Variants in MTRF1 observed in about 807,000 individuals in gnomAD.
The protein encoded by MTRF1 is mitochondrial translation release factor 1.
In MTRF1, 51 loss-of-function variants were observed where a neutral mutation model predicts 62.9. That is an observed-to-expected ratio of 0.81 (90% CI 0.65 to 1.02). MTRF1 has a LOEUF of 1.02. Ranked by LOEUF, MTRF1 falls within the 50% of genes least tolerant of loss-of-function variation. The pLI is 0.00. For synonymous variants in MTRF1, 158 were observed against 181.9 expected, an observed-to-expected ratio of 0.87 and a Z score of 1.06; for missense variants, 446 against 530.0, an observed-to-expected ratio of 0.84 and a Z score of 1.56.
chr13:41,268,834 G>C, the MTRF1 span, among the ~76,000 whole-genome samples: 1 of 152,060 alleles, frequency 6.6e-6, no homozygotes, highest in Non-Finnish European at 1.5e-5. Context: ...ATTATTTAGT[G>C]TATAAGTGTT....
At chr13:41,242,291 G>C (rs1453640977) in intron 5 of MTRF1, among the ~76,000 whole-genome samples, 1 of 152,092 alleles carries the variant, frequency 6.6e-6, no homozygotes, top group Non-Finnish European at 1.5e-5. Flanking sequence ...TTGGCCCATA[G>C]AGCCTCTTCA....
intron 5 of MTRF1, among the ~76,000 whole-genome samples, chr13:41,245,481 C>T (rs971908193): frequency 8.5e-5 from 13 of 152,090 alleles, no homozygotes; most frequent in Non-Finnish European, 8.8e-5. Context: ...TGGGCTCAAG[C>T]GATCCTCCCA....
the MTRF1 span, among the ~76,000 whole-genome samples, chr13:41,299,104 G>GGTGTGTGT: frequency 5.6e-3 from 842 of 149,688 alleles, 5 homozygotes; most frequent in African/African-American, 0.014. Context: ...CTTCAACCTG[G>GGTGTGTGT]GTGTGTGTGT....
the MTRF1 span, among the ~76,000 whole-genome samples, chr13:41,301,256 C>G: frequency 6.6e-6 from 1 of 152,026 alleles, no homozygotes; most frequent in East Asian, 1.9e-4. Flanking sequence ...TTCCCTTCAC[C>G]CTTTGAAGGT....
At chr13:41,288,920 CAAG>C in the MTRF1 span, among the ~76,000 whole-genome samples, 3 of 152,218 alleles carry the variant, frequency 2.0e-5, no homozygotes, top group East Asian at 5.8e-4. Flanking sequence ...GAAAAGGAGA[CAAG>C]AGCCTTGAAG....
At chr13:41,293,948 TA>T in the MTRF1 span, among the ~76,000 whole-genome samples, 2 of 151,944 alleles carry the variant, frequency 1.3e-5, no homozygotes, top group South Asian at 2.1e-4. Context: ...ACCAGGTAGG[TA>T]AAAAAAGAAA....
the MTRF1 span, among the ~76,000 whole-genome samples, chr13:41,305,613 AT>A: frequency 6.6e-6 from 1 of 152,112 alleles, no homozygotes; most frequent in Non-Finnish European, 1.5e-5. Flanking sequence ...TTTCCCTTCT[AT>A]TCCTTCGTCA....
chr13:41,268,555 T>A (rs2040866735), upstream of MTRF1, among the ~76,000 whole-genome samples: 1 of 151,474 alleles, frequency 6.6e-6, no homozygotes, highest in South Asian at 2.1e-4. Flanking sequence ...CAAAAAAAAA[T>A]GAAAGAAAAG....
chr13:41,235,092 A>AT (rs58626397), intron 6 of MTRF1: 3,566 of 142,792 alleles, frequency 0.025, 164 homozygotes, highest in African/African-American at 0.083. Context: ...AATTTAGCTA[A>AT]TTTTTTTTTT....
intron 5 of MTRF1, among the ~76,000 whole-genome samples, chr13:41,241,438 A>G (rs1471443213): frequency 1.3e-5 from 2 of 152,196 alleles, no homozygotes; most frequent in Non-Finnish European, 2.9e-5. Flanking sequence ...TGTGGTTTAG[A>G]GTCCACCACT....
chr13:41,248,953 T>C (rs576262743), intron 5 of MTRF1, among the ~76,000 whole-genome samples: 1 of 152,322 alleles, frequency 6.6e-6, no homozygotes, highest in Admixed American at 6.5e-5. Flanking sequence ...GTTTGAACTA[T>C]TTCTGAAATG....
At chr13:41,311,645 G>C in the MTRF1 span, 31 of 1,497,594 alleles carry the variant, frequency 2.1e-5, no homozygotes, top group South Asian at 3.6e-4. Context: ...TTAAGGGCAA[G>C]CGGTCTGGCG....
chr13:41,234,757 T>C (rs939527264), intron 6 of MTRF1, among the ~76,000 whole-genome samples: 4 of 152,212 alleles, frequency 2.6e-5, no homozygotes, highest in African/African-American at 9.7e-5. Flanking sequence ...GTGAAAAATA[T>C]GAGTTGCTCC....
Position 41,226,540 on chromosome 13 carries a change from T to C in MTRF1, c.1017A>G (p.Arg339=). The C allele has an allele frequency of 6.2e-7, 1 of 1,613,960 alleles. No homozygotes were observed. Among genetic ancestry groups the C allele is most frequent in the South Asian group, 1.1e-5 (1 of 91,070 alleles). Residue 339 remains arginine, a synonymous_variant, in exon 8 of 10, where the codon AGA becomes AGG. Transcript: ENST00000379480. ...CTATTTCTTTATTTTTTATCTGTGATCTTTCTTGTTGGCATTCTACTACTA... is the reference window on the plus strand; with the variant it reads ...CTATTTCTTTATTTTTTATCTGTGACCTTTCTTGTTGGCATTCTACTACTA... ...TGLVVECQQE[R]SQIKNKEIAF...
chr13:41,246,146 G>T (rs769825981), intron 5 of MTRF1, among the ~76,000 whole-genome samples: 93 of 152,124 alleles, frequency 6.1e-4, no homozygotes, highest in Non-Finnish European at 1.1e-3. Flanking sequence ...GTTATGAGAG[G>T]GTTCTCCAGT....
intron 5 of MTRF1, among the ~76,000 whole-genome samples, chr13:41,242,114 C>G (rs1381243810): frequency 6.6e-6 from 1 of 151,750 alleles, no homozygotes; most frequent in Non-Finnish European, 1.5e-5. Flanking sequence ...ATCAGTTCTA[C>G]CAAGATACCA....
chr13:41,285,089 G>A, the MTRF1 span, among the ~76,000 whole-genome samples: 3 of 152,312 alleles, frequency 2.0e-5, no homozygotes, highest in African/African-American at 7.2e-5. Flanking sequence ...TACTGATACT[G>A]AAATGAAAAG....
At chr13:41,302,050 G>T in the MTRF1 span, among the ~76,000 whole-genome samples, 1,111 of 152,046 alleles carry the variant, frequency 7.3e-3, 18 homozygotes, top group African/African-American at 0.025. Context: ...TTTTTGAGAT[G>T]GAGTCTCCCT....
At chr13:41,255,858 T>C (rs1014920411) in intron 2 of MTRF1, among the ~76,000 whole-genome samples, 2 of 152,192 alleles carry the variant, frequency 1.3e-5, no homozygotes, top group Admixed American at 6.5e-5. Context: ...CCAAGGATGG[T>C]AGACCTCATG....
Sources: gnomAD v4.1 joint callset for allele counts (sites outside exome capture counted in the v4.1 genomes callset) on GRCh38, gnomAD v4.1.1 for gene constraint, MANE v1.5 for transcripts, NCBI Gene and HGNC (gene_info 2026-07-23, HGNC 2026-07-21) for gene names.